RBFOX1: variants seen among roughly 807,000 people sequenced by gnomAD.
The protein encoded by RBFOX1 is RNA binding protein fox-1 homolog 1.
Under a neutral mutation model 57.7 loss-of-function variants are expected in RBFOX1, and 8 were observed. That is an observed-to-expected ratio of 0.14 (90% CI 0.08 to 0.25). The LOEUF is 0.25. RBFOX1 is among the 10% of genes least tolerant of loss of function. The probability of loss-of-function intolerance (pLI) is 1.00; values close to 1 mark genes in which losing one functional copy is unlikely to be tolerated. For synonymous variants in RBFOX1, 326 were observed against 222.4 expected (o/e 1.47, Z -4.15); for missense variants, 611 against 548.5 (o/e 1.11, Z -1.14).
intron 3 of RBFOX1, among the ~76,000 whole-genome samples, chr16:5,685,375 A>G (rs996978483): frequency 3.9e-5 from 6 of 152,184 alleles, no homozygotes; most frequent in African/African-American, 1.4e-4. Context: ...TCTTATGAGT[A>G]GATTCATCTT....
intron 4 of RBFOX1, among the ~76,000 whole-genome samples, chr16:7,517,860 C>T (rs919768036): frequency 6.6e-6 from 1 of 151,682 alleles, no homozygotes; most frequent in African/African-American, 2.4e-5. Context: ...AAGCCACAGA[C>T]CCTCATGTCT....
intron 3 of RBFOX1, among the ~76,000 whole-genome samples, chr16:6,898,597 A>C (rs1328451799): frequency 1.3e-5 from 2 of 152,172 alleles, no homozygotes; most frequent in Non-Finnish European, 2.9e-5. Context: ...CCGTGGGAGT[A>C]ACATAAAAGG....
At chr16:5,995,544 G>T (rs1424975903) in intron 4 of RBFOX1, among the ~76,000 whole-genome samples, 1 of 152,128 alleles carries the variant, frequency 6.6e-6, no homozygotes. Flanking sequence ...ATGTGAGAGG[G>T]GACAAAGAAA....
At chr16:6,595,450 C>A (rs927012719) in intron 2 of RBFOX1, among the ~76,000 whole-genome samples, 1 of 152,052 alleles carries the variant, frequency 6.6e-6, no homozygotes, top group Non-Finnish European at 1.5e-5. Flanking sequence ...TGTGTTTGTC[C>A]ATTCATTGGT....
chr16:6,125,904 A>C (rs1397023917), intron 1 of RBFOX1, among the ~76,000 whole-genome samples: 1 of 152,208 alleles, frequency 6.6e-6, no homozygotes, highest in African/African-American at 2.4e-5. Context: ...GCTATTTAAA[A>C]AAGTGATTTC....
chr16:6,640,907 A>G (rs977066223), intron 2 of RBFOX1, among the ~76,000 whole-genome samples: 1 of 151,946 alleles, frequency 6.6e-6, no homozygotes, highest in Non-Finnish European at 1.5e-5. Context: ...AGCACCAGAA[A>G]CCCCAGGTAG....
At chr16:7,114,191 T>C (rs998154812) in intron 4 of RBFOX1, among the ~76,000 whole-genome samples, 3 of 152,154 alleles carry the variant, frequency 2.0e-5, no homozygotes, top group Non-Finnish European at 4.4e-5. Flanking sequence ...AGATCAGTCT[T>C]TACGTGGAGG....
In RBFOX1 at chr16:6,823,263, C is replaced by CTT. The variant is rs566534988; in HGVS notation, c.-16+168620_-16+168621dup. On this transcript the variant is annotated intron_variant, in intron 3 of 15. Transcript: ENST00000550418. Reference sequence around the variant, plus strand: ...TTGTTTTGTTTTCTTTTTTTTTTTTCTTTTTTTTCCCCAGAAAGAGTCTTG... The same window carrying CTT: ...TTGTTTTGTTTTCTTTTTTTTTTTTCTTTTTTTTTTCCCCAGAAAGAGTCTTG... Among the ~76,000 whole-genome samples the CTT allele has an allele frequency of 2.1e-4, 30 of 145,322 alleles. 1 individual carries two copies. The South Asian group carries it at 6.6e-3, about 32-fold the overall frequency.
In RBFOX1 at chr16:5,999,424, CTTATTTGCAGGATCAT is replaced by C. The variant is rs527249817; in HGVS notation, c.351+132092_351+132107del. On this transcript the variant is annotated intron_variant, in intron 4 of 19. Transcript: ENST00000641259. ...AACCTTTCATAGCATCTTGTAAATA[CTTATTTGCAGGATCAT>C]TTGATTCATTTTTTTTAACCTCAAA... 5.3e-5 allele frequency among the ~76,000 whole-genome samples: 8 copies of C among 152,314 alleles called. No individual in the cohort carries two copies. The East Asian group carries it at 1.5e-3, about 29-fold the overall frequency.
At chr16:5,837,376 G>T (rs1020461808) in intron 3 of RBFOX1, among the ~76,000 whole-genome samples, 3 of 151,950 alleles carry the variant, frequency 2.0e-5, no homozygotes, top group Non-Finnish European at 4.4e-5. Flanking sequence ...AATCCTAAGA[G>T]ATCTTATTGG....
chr16:6,134,005 C>T (rs575170614), intron 1 of RBFOX1, among the ~76,000 whole-genome samples: 6 of 151,938 alleles, frequency 3.9e-5, no homozygotes, highest in East Asian at 3.9e-4. Context: ...GGCGCAGTCT[C>T]GGTTCAGTGC....
At chr16:5,587,950 A>G (rs1487459948) in intron 2 of RBFOX1, among the ~76,000 whole-genome samples, 3 of 152,158 alleles carry the variant, frequency 2.0e-5, no homozygotes, top group Non-Finnish European at 2.9e-5. Flanking sequence ...AAAAGGTGAC[A>G]GTTACCTAAA....
At chr16:6,979,290 G>A (rs1208379320) in intron 3 of RBFOX1, among the ~76,000 whole-genome samples, 2 of 152,172 alleles carry the variant, frequency 1.3e-5, no homozygotes, top group African/African-American at 4.8e-5. Context: ...ATGGGGTCCT[G>A]TCTGATTAAA....
chr16:7,127,820 A>G (rs976006221), intron 4 of RBFOX1, among the ~76,000 whole-genome samples: 12 of 152,198 alleles, frequency 7.9e-5, no homozygotes, highest in Admixed American at 2.0e-4. Context: ...GACTGAGAGC[A>G]AAGGTCGTTT....
chr16:6,079,274 G>C (rs13331212), intron 1 of RBFOX1, among the ~76,000 whole-genome samples: 106,042 of 151,752 alleles, frequency 0.7, 37,554 homozygotes, highest in Non-Finnish European at 0.77. Context: ...CCACTGCACT[G>C]CAGCCTGGAC....
intron 4 of RBFOX1, among the ~76,000 whole-genome samples, chr16:7,221,660 C>T (rs530783723): frequency 6.6e-6 from 1 of 152,332 alleles, no homozygotes; most frequent in South Asian, 2.1e-4. Context: ...AGCCACTGCA[C>T]CTGCCGTTGA....
chr16:6,929,019 T>C (rs935972221), intron 3 of RBFOX1, among the ~76,000 whole-genome samples: 2 of 152,226 alleles, frequency 1.3e-5, no homozygotes, highest in Non-Finnish European at 2.9e-5. Flanking sequence ...ATGCTTGAGT[T>C]CCAAGGGAGC....
intron 1 of RBFOX1, among the ~76,000 whole-genome samples, chr16:5,433,881 C>G (rs528872638): frequency 6.6e-6 from 1 of 152,074 alleles, no homozygotes; most frequent in Non-Finnish European, 1.5e-5. Context: ...CGTAGGAGAC[C>G]GAGGACGTTA....
chr16:5,300,038 T>G (rs564641436), intron 1 of RBFOX1, among the ~76,000 whole-genome samples: 77 of 152,222 alleles, frequency 5.1e-4, no homozygotes, highest in African/African-American at 1.8e-3. Flanking sequence ...CTTTTTTTTT[T>G]GGGCATATAT....
Sources: gnomAD v4.1 joint callset for allele counts (sites outside exome capture counted in the v4.1 genomes callset) on GRCh38, gnomAD v4.1.1 for gene constraint, MANE v1.5 for transcripts, NCBI Gene and HGNC (gene_info 2026-07-23, HGNC 2026-07-21) for gene names.